Variants in PTDSS1 observed in about 807,000 individuals in gnomAD.
PTDSS1 encodes the protein PSS-1.
PTDSS1 carries 45 observed loss-of-function variants against 70.5 expected under a neutral mutation model. The ratio of observed to expected loss-of-function variants is 0.64; its 90% confidence interval spans 0.50 to 0.82. The LOEUF (loss-of-function observed/expected upper bound fraction) is 0.82. Among genes scored for constraint, PTDSS1 ranks in the 40% least tolerant of loss-of-function variants. The pLI is 0.00. For missense variants in PTDSS1, 417 were observed against 586.1 expected (o/e 0.71, Z 2.98); for synonymous variants, 188 against 203.8 (o/e 0.92, Z 0.66).
rs1453636823 is a variant in PTDSS1 at position 96,324,607 on chromosome 8, C to T, written c.1173+4262C>T. ...GTGCACCAGACAGAGAGGGAAGTGCCAAACTCATCCTTTTTATCAGGAACC... is the reference window on the plus strand; with the variant it reads ...GTGCACCAGACAGAGAGGGAAGTGCTAAACTCATCCTTTTTATCAGGAACC... On this transcript the variant is annotated intron_variant, in intron 10 of 12. Coordinates refer to ENST00000517309, the MANE Select transcript of PTDSS1 (RefSeq NM_014754.3). Among the ~76,000 whole-genome samples the T allele has an allele frequency of 3.3e-5, 5 of 152,166 alleles. 1 individual carries two copies. The highest frequency in any genetic ancestry group is 2.6e-4 in the Admixed American group (4 of 15,268).
At chr8:96,312,476 TTA>T (rs1491447429) in intron 9 of PTDSS1, among the ~76,000 whole-genome samples, 3 of 150,342 alleles carry the variant, frequency 2.0e-5, no homozygotes, top group Non-Finnish European at 1.5e-5. Context: ...TTTTTTTTTT[TTA>T]AAAAAAAAAG....
chr8:96,282,009 A>G (rs1810745430), intron 2 of PTDSS1, among the ~76,000 whole-genome samples: 1 of 152,190 alleles, frequency 6.6e-6, no homozygotes, highest in Admixed American at 6.5e-5. Context: ...TGCTCTTGAG[A>G]ATAACATTAT....
intron 5 of PTDSS1, among the ~76,000 whole-genome samples, chr8:96,298,558 C>T (rs1016053379): frequency 2.0e-5 from 3 of 152,102 alleles, no homozygotes; most frequent in African/African-American, 4.8e-5. Context: ...CTGGAATGCC[C>T]GCATCTTCAT....
chr8:96,266,191 G>T (rs923844634), intron 1 of PTDSS1, among the ~76,000 whole-genome samples: 1 of 152,166 alleles, frequency 6.6e-6, no homozygotes, highest in East Asian at 1.9e-4. Context: ...TCCTTAAGAG[G>T]CACCTGCCAT....
At chr8:96,332,373 C>T (rs1047993529) in intron 12 of PTDSS1, among the ~76,000 whole-genome samples, 1 of 152,144 alleles carries the variant, frequency 6.6e-6, no homozygotes, top group Non-Finnish European at 1.5e-5. Context: ...AAACGGTGGG[C>T]CAATGGAGAA....
intron 2 of PTDSS1, among the ~76,000 whole-genome samples, chr8:96,280,999 G>T (rs1810727189): frequency 6.6e-6 from 1 of 152,122 alleles, no homozygotes; most frequent in Non-Finnish European, 1.5e-5. Context: ...TACAGATGGG[G>T]CTCATGCCGG....
intron 4 of PTDSS1, 38 bp from the exon 5 acceptor site, chr8:96,295,060 A>G (rs375100558): frequency 3.3e-5 from 51 of 1,555,748 alleles, no homozygotes; most frequent in Non-Finnish European, 4.3e-5. Context: ...GTTGATTTCT[A>G]GAGTTTCACT....
intron 1 of PTDSS1, among the ~76,000 whole-genome samples, chr8:96,269,952 G>C (rs762244867): frequency 2.0e-5 from 3 of 152,196 alleles, no homozygotes; most frequent in African/African-American, 7.2e-5. Context: ...GCCAGGCACT[G>C]TTTTAAGTGC....
chr8:96,278,279 T>C (rs1306682746), intron 2 of PTDSS1, among the ~76,000 whole-genome samples: 2 of 152,248 alleles, frequency 1.3e-5, no homozygotes, highest in Non-Finnish European at 2.9e-5. Flanking sequence ...GGAGTAGGTG[T>C]TCAACAGATA....
chr8:96,315,365 C>T (rs977086569), intron 9 of PTDSS1, among the ~76,000 whole-genome samples: 3 of 152,194 alleles, frequency 2.0e-5, no homozygotes, highest in Admixed American at 6.5e-5. Context: ...AGGTACCCGG[C>T]CTCCATGTCC....
At chr8:96,280,723 G>A (rs191664726) in intron 2 of PTDSS1, among the ~76,000 whole-genome samples, 1 of 152,242 alleles carries the variant, frequency 6.6e-6, no homozygotes, top group Non-Finnish European at 1.5e-5. Flanking sequence ...TCCAACATAA[G>A]CAAGAGAGTA....
intron 9 of PTDSS1, among the ~76,000 whole-genome samples, chr8:96,314,306 C>T (rs570880456): frequency 1.3e-5 from 2 of 152,198 alleles, no homozygotes; most frequent in African/African-American, 4.8e-5. Context: ...CTTGACCTCT[C>T]AAAGTGATGG....
intron 8 of PTDSS1, 57 bp from the exon 9 acceptor site, chr8:96,309,500 G>A: frequency 6.7e-7 from 1 of 1,489,428 alleles, no homozygotes; most frequent in Non-Finnish European, 9.4e-7. Context: ...ATTTAATTAT[G>A]TGCTGACTTG....
rs890244350 is a variant in PTDSS1, at chr8:96,336,194, G to A, written c.*2628G>A. ...TCCTATCAATGCCAGTCTTATTTTC[G>A]CTAGGACTCTGCTTCCACAGTAAGC... On this transcript the variant is annotated 3_prime_UTR_variant, in exon 13 of 13. Transcript: ENST00000517309. The A allele has an allele frequency of 1.3e-5, 2 of 151,848 alleles. No individual in the cohort carries two copies. The highest frequency in any genetic ancestry group is 6.6e-5 in the Admixed American group (1 of 15,254). 9.4% of individuals were successfully genotyped at this position (151,848 alleles called of 1,614,324 possible). A position where few individuals can be genotyped will look rare whatever the true frequency, so the allele number is the denominator to read the frequency against.
chr8:96,334,002 T>A lies in PTDSS1; in HGVS notation c.*436T>A, dbSNP rs532190593. ...TTTATGAATCTACCTTTCCATTGATTGATTTAAGTTCAGGCCACTTTTCTG... is the reference window on the plus strand; with the variant it reads ...TTTATGAATCTACCTTTCCATTGATAGATTTAAGTTCAGGCCACTTTTCTG... On this transcript the variant is annotated 3_prime_UTR_variant, in exon 13 of 13. Coordinates refer to ENST00000517309, the MANE Select transcript of PTDSS1 (RefSeq NM_014754.3). 2 of 445,994 alleles carry A rather than the reference T, an allele frequency of 4.5e-6. No homozygotes were observed. Among genetic ancestry groups the A allele is most frequent in the Non-Finnish European group, 7.9e-6 (2 of 252,414 alleles). The allele number at this position is 445,994 out of a possible 1,614,324, so 27.6% of individuals were successfully genotyped here.
At chr8:96,311,932 G>C (rs1811217714) in intron 9 of PTDSS1, among the ~76,000 whole-genome samples, 1 of 152,160 alleles carries the variant, frequency 6.6e-6, no homozygotes, top group African/African-American at 2.4e-5. Context: ...CTGCATTTGA[G>C]CTCTTCTGTC....
intron 6 of PTDSS1, among the ~76,000 whole-genome samples, chr8:96,302,936 G>A (rs577670431): frequency 6.6e-6 from 1 of 152,200 alleles, no homozygotes; most frequent in East Asian, 1.9e-4. Flanking sequence ...GTTTTCTTAT[G>A]TTTATTCTTG....
chr8:96,297,984 C>T (rs541576896), intron 5 of PTDSS1, among the ~76,000 whole-genome samples: 1 of 152,380 alleles, frequency 6.6e-6, no homozygotes, highest in East Asian at 1.9e-4. Flanking sequence ...CCCCCAGAAC[C>T]TGGTACCTTC....
At chr8:96,275,440 T>C (rs1325276219) in intron 2 of PTDSS1, among the ~76,000 whole-genome samples, 8 of 152,336 alleles carry the variant, frequency 5.3e-5, no homozygotes, top group African/African-American at 1.9e-4. Context: ...GGATTCCTGC[T>C]ATCAAATTTA....
Sources: gnomAD v4.1 joint callset for allele counts (sites outside exome capture counted in the v4.1 genomes callset) on GRCh38, gnomAD v4.1.1 for gene constraint, MANE v1.5 for transcripts, NCBI Gene and HGNC (gene_info 2026-07-23, HGNC 2026-07-21) for gene names.